Variants in LHFPL3 observed in about 807,000 individuals in gnomAD.
LHFPL3 encodes the protein LHFPL tetraspan subfamily member 3.
Under a neutral mutation model 19.3 loss-of-function variants are expected in LHFPL3, and 5 were observed. The ratio of observed to expected loss-of-function variants is 0.26; its 90% CI spans 0.14 to 0.54. LHFPL3 has a LOEUF of 0.54. Among genes scored for constraint, LHFPL3 ranks in the 20% least tolerant of loss-of-function variants. The pLI, the probability that LHFPL3 is intolerant of heterozygous loss-of-function variation, is 0.94. For synonymous variants in LHFPL3, 133 were observed against 126.2 expected (o/e 1.05, Z -0.36); for missense variants, 249 against 307.4 (o/e 0.81, Z 1.42).
At position 104,827,088 on chromosome 7, in the gene LHFPL3, G is replaced by A. The variant is rs78592203; in HGVS notation, c.683-79099G>A. On this transcript the variant is annotated intron_variant, in intron 2 of 2. Transcript: ENST00000424859. Reference sequence around the variant, plus strand: ...ACCCTAGACTAGAACTTTGATTATCGTTTACTAGGTAAAGCATGTTTGTGT... The same window carrying A: ...ACCCTAGACTAGAACTTTGATTATCATTTACTAGGTAAAGCATGTTTGTGT... Among the ~76,000 whole-genome samples, 1,258 of 151,924 alleles carry A rather than the reference G, an allele frequency of 8.3e-3. 9 individuals carry two copies. Among genetic ancestry groups the A allele is most frequent in the Non-Finnish European group, 0.014 (933 of 68,002 alleles).
chr7:104,710,139 G>A (rs928608767), intron 1 of LHFPL3, among the ~76,000 whole-genome samples: 16 of 152,198 alleles, frequency 1.1e-4, no homozygotes, highest in African/African-American at 2.2e-4. Flanking sequence ...CGGCCAACAC[G>A]GCGAAACCCC....
intron 1 of LHFPL3, among the ~76,000 whole-genome samples, chr7:104,477,425 CTGCTCCCA>C: frequency 6.6e-6 from 1 of 152,294 alleles, no homozygotes; most frequent in African/African-American, 2.4e-5. Flanking sequence ...AATGTGGTCT[CTGCTCCCA>C]TGCAGCCTAC....
intron 2 of LHFPL3, among the ~76,000 whole-genome samples, chr7:104,857,117 C>T (rs982117271): frequency 2.0e-5 from 3 of 152,140 alleles, no homozygotes; most frequent in Admixed American, 2.0e-4. Context: ...ATTTCATAGA[C>T]GTTCATTGTA....
intron 2 of LHFPL3, among the ~76,000 whole-genome samples, chr7:104,860,631 G>A (rs1791600498): frequency 6.6e-6 from 1 of 152,190 alleles, no homozygotes; most frequent in South Asian, 2.1e-4. Context: ...AGAGGGAGCA[G>A]TAACAGCCTA....
intron 2 of LHFPL3, among the ~76,000 whole-genome samples, chr7:104,751,441 AT>A (rs1394199977): frequency 6.7e-6 from 1 of 148,776 alleles, no homozygotes; most frequent in Non-Finnish European, 1.5e-5. Context: ...CAATGGCCTC[AT>A]TTTGCATTAA....
chr7:104,748,633 G>A (rs1175554776), intron 2 of LHFPL3, among the ~76,000 whole-genome samples: 2 of 151,254 alleles, frequency 1.3e-5, no homozygotes, highest in Non-Finnish European at 2.9e-5. Flanking sequence ...TTGTTCACGT[G>A]TTTGTCTGCT....
chr7:104,558,004 G>A (rs1159632173), intron 1 of LHFPL3, among the ~76,000 whole-genome samples: 2 of 150,526 alleles, frequency 1.3e-5, no homozygotes, highest in Non-Finnish European at 2.9e-5. Context: ...CAAAGGACAT[G>A]AACTCATCAT....
At chr7:104,365,871 C>G (rs1202036266) in intron 1 of LHFPL3, among the ~76,000 whole-genome samples, 1 of 150,648 alleles carries the variant, frequency 6.6e-6, no homozygotes, top group Non-Finnish European at 1.5e-5. Context: ...GATGGATATA[C>G]TGAAGGGTAG....
intron 1 of LHFPL3, among the ~76,000 whole-genome samples, chr7:104,351,519 G>C (rs779411022): frequency 6.6e-6 from 1 of 152,132 alleles, no homozygotes; most frequent in Non-Finnish European, 1.5e-5. Flanking sequence ...TAGCCTCCTA[G>C]ACCAGAAGTC....
intron 2 of LHFPL3, among the ~76,000 whole-genome samples, chr7:104,737,577 T>C (rs1361045722): frequency 1.3e-5 from 2 of 152,224 alleles, no homozygotes; most frequent in African/African-American, 4.8e-5. Flanking sequence ...TACGTAAATA[T>C]ATCATAGTGG....
intron 1 of LHFPL3, chr7:104,669,571 A>G (rs1173262119): frequency 5.6e-6 from 9 of 1,611,530 alleles, no homozygotes; most frequent in East Asian, 2.2e-5. Context: ...AGATTATGCC[A>G]AATAGACCTC....
intron 1 of LHFPL3, among the ~76,000 whole-genome samples, chr7:104,653,789 C>G (rs1358715907): frequency 6.6e-6 from 1 of 152,176 alleles, no homozygotes; most frequent in Non-Finnish European, 1.5e-5. Flanking sequence ...TTCATCCCTC[C>G]TCCCAGCCAA....
At chr7:104,766,881 A>AC (rs1264348670) in intron 2 of LHFPL3, among the ~76,000 whole-genome samples, 3 of 152,238 alleles carry the variant, frequency 2.0e-5, no homozygotes, top group Non-Finnish European at 4.4e-5. Context: ...ATGGACACCA[A>AC]ACCCAAAACA....
At chr7:104,546,694 A>G (rs1485797885) in intron 1 of LHFPL3, among the ~76,000 whole-genome samples, 11 of 152,214 alleles carry the variant, frequency 7.2e-5, no homozygotes, top group South Asian at 2.1e-4. Context: ...ACCACTTTCA[A>G]TTAATTCGGG....
At chr7:104,732,877 C>G (rs544795078) in intron 1 of LHFPL3, among the ~76,000 whole-genome samples, 1 of 152,244 alleles carries the variant, frequency 6.6e-6, no homozygotes, top group South Asian at 2.1e-4. Context: ...TGTAAGTTTC[C>G]CTCTACACAC....
At chr7:104,448,908 G>A (rs79132101) in intron 1 of LHFPL3, among the ~76,000 whole-genome samples, 27 of 152,194 alleles carry the variant, frequency 1.8e-4, no homozygotes, top group African/African-American at 6.5e-4. Context: ...ATATGCTGAT[G>A]TGTCTGTTGG....
chr7:104,810,230 G>A (rs1245013156), intron 2 of LHFPL3, among the ~76,000 whole-genome samples: 1 of 152,180 alleles, frequency 6.6e-6, no homozygotes, highest in African/African-American at 2.4e-5. Context: ...GCCGTGATGG[G>A]CTCTGTGGGC....
intron 2 of LHFPL3, among the ~76,000 whole-genome samples, chr7:104,740,104 G>A (rs1793904893): frequency 6.6e-6 from 1 of 152,090 alleles, no homozygotes; most frequent in African/African-American, 2.4e-5. Context: ...TCCCCCGCTG[G>A]CACTTCTCTC....
At chr7:104,880,255 TA>T (rs1792021040) in intron 2 of LHFPL3, among the ~76,000 whole-genome samples, 2 of 152,038 alleles carry the variant, frequency 1.3e-5, no homozygotes, top group Non-Finnish European at 2.9e-5. Context: ...TCTGGTTGTT[TA>T]AAAGAGTGTG....
Sources: gnomAD v4.1 joint callset for allele counts (sites outside exome capture counted in the v4.1 genomes callset) on GRCh38, gnomAD v4.1.1 for gene constraint, MANE v1.5 for transcripts, NCBI Gene and HGNC (gene_info 2026-07-23, HGNC 2026-07-21) for gene names.